PCYT1A: variants seen among roughly 807,000 people sequenced by gnomAD.
PCYT1A encodes phosphate cytidylyltransferase 1A, choline.
Under a neutral mutation model 43.7 loss-of-function variants are expected in PCYT1A, and 25 were observed. The observed-to-expected ratio is 0.57, with a 90% confidence interval of 0.42 to 0.80. The LOEUF is 0.80. PCYT1A is among the 30% of genes least tolerant of loss of function. The probability of loss-of-function intolerance (pLI) is 0.00; values close to 1 mark genes in which losing one functional copy is unlikely to be tolerated. For missense variants in PCYT1A, 421 were observed against 474.2 expected (o/e 0.89, Z 1.04); for synonymous variants, 172 against 170.7 (o/e 1.01, Z -0.06).
chr3:196,257,883 A>G lies in PCYT1A; in HGVS notation c.122T>C (p.Leu41Ser). The G allele has an allele frequency of 1.2e-6, 2 of 1,608,228 alleles. No individual in the cohort carries two copies. The highest frequency in any genetic ancestry group is 1.7e-6 in the Non-Finnish European group (2 of 1,174,840). Residue 41 changes from leucine to serine, a missense_variant, in exon 3 of 9, where the codon TTA becomes TCA. By Grantham distance (145) the Leu-to-Ser change is moderately radical (BLOSUM62 -2). This residue lies in a region of PCYT1A where 139 missense variants were observed against 117.7 expected (regional missense o/e 1.18). Transcript: ENST00000431016. ...PSKVQRCAVGLRQPAPFSDEI... is the reference protein window; with the variant it reads ...PSKVQRCAVGSRQPAPFSDEI... Reference sequence around the variant, plus strand: ...ATCAGAAAAAGGAGCTGGTTGCCGTAAGCCCTTAAGAAATGGAAAGTGAAG... The same window carrying G: ...ATCAGAAAAAGGAGCTGGTTGCCGTGAGCCCTTAAGAAATGGAAAGTGAAG...
chr3:196,273,287 T>TCTCTC lies in PCYT1A; in HGVS notation c.-10-2751_-10-2747dup, dbSNP rs1725491106. ...CAAAGGGCTACAGCTCTTCTCTTTC[T>TCTCTC]CTCTCCTCTCTTCTCTCTTTCTGTT... On this transcript the variant is annotated intron_variant, in intron 1 of 8. Coordinates refer to ENST00000431016, the MANE Select transcript of PCYT1A (RefSeq NM_001312673.2). The surrounding 1 kb of genome is among the most constrained non-coding windows in gnomAD (Gnocchi z 4.1). 6.6e-6 allele frequency among the ~76,000 whole-genome samples: 1 copy of TCTCTC among 152,168 alleles called. No individual in the cohort carries two copies. The highest frequency in any genetic ancestry group is 2.4e-5 in the African/African-American group (1 of 41,448).
chr3:196,257,695 G>A (rs1323455131), intron 3 of PCYT1A, 93 bp downstream of exon 3: 1 of 766,970 alleles, frequency 1.3e-6, no homozygotes, highest in South Asian at 1.6e-5. Flanking sequence ...AGTAAACAGA[G>A]GGCAGTATAT....
intron 7 of PCYT1A, chr3:196,241,573 G>A (rs1272121645): frequency 3.8e-6 from 5 of 1,300,518 alleles, no homozygotes; most frequent in African/African-American, 3.0e-5. Flanking sequence ...GGGAAGTGGT[G>A]TGTCGGGTGT....
At position 196,237,189 on chromosome 3, in the gene PCYT1A, TGG is replaced by T. The variant is rs1724191221; in HGVS notation, c.*1497_*1498del. On this transcript the variant is annotated 3_prime_UTR_variant, in exon 9 of 9. Transcript: ENST00000431016. ...AAGGGGTATTTATGAGTGACAGGGG[TGG>T]GGCCTGGACATAAGCAATTTTCCCC... 1.3e-5 allele frequency: 2 copies of T among 152,108 alleles called. No individual in the cohort carries two copies. The highest frequency in any genetic ancestry group is 4.8e-5 in the African/African-American group (2 of 41,388). 9.4% of individuals were successfully genotyped at this position (152,108 alleles called of 1,614,324 possible).
At chr3:196,285,692 G>A (rs1725890583) in intron 1 of PCYT1A, among the ~76,000 whole-genome samples, 1 of 152,162 alleles carries the variant, frequency 6.6e-6, no homozygotes, top group South Asian at 2.1e-4. Context: ...GTACATTGAA[G>A]TCTCTCCCAT....
In PCYT1A at chr3:196,266,946, G is replaced by A. The variant is rs577697799; in HGVS notation, c.117+3469C>T. Among the ~76,000 whole-genome samples the A allele has an allele frequency of 8.6e-5, 13 of 151,970 alleles. No individual in the cohort carries two copies. In the South Asian group the frequency reaches 1.2e-3, roughly 15 times the overall value. On this transcript the variant is annotated intron_variant, in intron 2 of 8. Transcript: ENST00000431016. ...AGTACTTTGGGAGGCCGAGGCGGGC[G>A]GATTACCTGAGGTCAGGAGATCGAG...
intron 5 of PCYT1A, among the ~76,000 whole-genome samples, chr3:196,245,826 C>T (rs890666235): frequency 2.0e-5 from 3 of 152,044 alleles, no homozygotes; most frequent in Non-Finnish European, 4.4e-5. Flanking sequence ...TGGCGCGCAC[C>T]TGTAATCCCA....
chr3:196,239,792 T>A, intron 7 of PCYT1A, 57 bp from the exon 8 acceptor site: 2 of 1,190,524 alleles, frequency 1.7e-6, no homozygotes, highest in Admixed American at 1.9e-5. Flanking sequence ...TTCTCTACCA[T>A]AAGAGAACGA....
rs1724115969 is a variant in PCYT1A at position 196,234,703 on chromosome 3, T to C, written c.*3985A>G. 6.6e-6 allele frequency: 1 copy of C among 152,214 alleles called. No homozygotes were observed. Among genetic ancestry groups the C allele is most frequent in the Non-Finnish European group, 1.5e-5 (1 of 68,046 alleles). The allele number at this position is 152,214 out of a possible 1,614,324, so 9.4% of individuals were successfully genotyped here. On this transcript the variant is annotated 3_prime_UTR_variant, in exon 9 of 9. Transcript: ENST00000431016. The stretch of plus-strand genomic sequence containing the variant: ...CCCAGTGTTAAACCTGGTGCTTCCG[T>C]TTTCTGCCTCAATCCGAGCGCTAAC...
In PCYT1A at chr3:196,247,074, G is replaced by T. The variant is rs957324080; in HGVS notation, c.486+293C>A. Among the ~76,000 whole-genome samples the T allele has an allele frequency of 6.6e-6, 1 of 152,178 alleles. No individual in the cohort carries two copies. The highest frequency in any genetic ancestry group is 1.5e-5 in the Non-Finnish European group (1 of 68,038). On this transcript the variant is annotated intron_variant, in intron 5 of 8. Coordinates refer to ENST00000431016, the MANE Select transcript of PCYT1A (RefSeq NM_001312673.2). This position sits in a 1 kb window ranked among gnomAD's most constrained non-coding sequence, Gnocchi z 4.8. ...GGTGTAACTTGGAGCAGGTTATTTGGTTTCTCTAGCCCTTGTTACTCATAT... is the reference window on the plus strand; with the variant it reads ...GGTGTAACTTGGAGCAGGTTATTTGTTTTCTCTAGCCCTTGTTACTCATAT...
chr3:196,275,330 A>G (rs981742810), intron 1 of PCYT1A, among the ~76,000 whole-genome samples: 2 of 152,236 alleles, frequency 1.3e-5, no homozygotes, highest in African/African-American at 2.4e-5. Flanking sequence ...TATTTGTGGA[A>G]TCTAAAAGAG....
At chr3:196,286,628 G>A (rs1725921116) in intron 1 of PCYT1A, among the ~76,000 whole-genome samples, 3 of 152,114 alleles carry the variant, frequency 2.0e-5, no homozygotes, top group African/African-American at 4.8e-5. Context: ...AAAAGTACAG[G>A]TTCAGGCCAG....
chr3:196,238,442 C>CT lies in PCYT1A; in HGVS notation c.*245dup, dbSNP rs1445938542. 1.6e-4 allele frequency: 56 copies of CT among 342,794 alleles called. No homozygotes were observed. Among genetic ancestry groups the CT allele is most frequent in the African/African-American group, 1.1e-3 (51 of 45,538 alleles). The allele number at this position is 342,794 out of a possible 1,614,324, so 21.2% of individuals were successfully genotyped here. ...TGAACATAAACAGTGAAACAAAGCC[C>CT]TTGGGGGGGGGTAAATGGATGCAGA... is the stretch of plus-strand genomic sequence containing the variant. On this transcript the variant is annotated 3_prime_UTR_variant, in exon 9 of 9. Transcript: ENST00000431016.
At chr3:196,265,801 G>A (rs1268615828) in intron 2 of PCYT1A, among the ~76,000 whole-genome samples, 2 of 132,034 alleles carry the variant, frequency 1.5e-5, no homozygotes, top group African/African-American at 5.5e-5. Flanking sequence ...GCAGTGGCGC[G>A]ATCTCAGCTC....
chr3:196,267,381 G>C lies in PCYT1A; in HGVS notation c.117+3034C>G, dbSNP rs963589955. The C allele has an allele frequency of 6.6e-6, 3 of 454,758 alleles. No homozygotes were observed. In the East Asian group the frequency reaches 2.1e-4, roughly 32 times the overall value. The allele number at this position is 454,758 out of a possible 1,614,324, so 28.2% of individuals were successfully genotyped here. A position where few individuals can be genotyped will look rare whatever the true frequency, so the allele number is the denominator to read the frequency against. On this transcript the variant is annotated intron_variant, in intron 2 of 8. Coordinates refer to ENST00000431016, the MANE Select transcript of PCYT1A (RefSeq NM_001312673.2). ...GCTGGAGAGACTGGGGGGAAATGGG[G>C]AGTGACTGCTAATGAGTACAGGCCT...
At chr3:196,246,406 T>C (rs1446800918) in intron 5 of PCYT1A, among the ~76,000 whole-genome samples, 3 of 152,084 alleles carry the variant, frequency 2.0e-5, no homozygotes, top group East Asian at 1.9e-4. Context: ...TGTGGCTTTT[T>C]TTTTTTTAAA....
chr3:196,248,181 C>T (rs1455141658), intron 4 of PCYT1A, 26 bp downstream of exon 4: 3 of 1,250,324 alleles, frequency 2.4e-6, no homozygotes, highest in Admixed American at 1.7e-5. Context: ...CTGCACAGCA[C>T]CTGAAGTCAC....
Position 196,247,217 on chromosome 3 carries a change from T to C in PCYT1A, c.486+150A>G. Reference sequence around the variant, plus strand: ...ATATAAACGTCAGGGGTGACTGTTATCACTAGTAATATCACTGTCATCTCC... The same window carrying C: ...ATATAAACGTCAGGGGTGACTGTTACCACTAGTAATATCACTGTCATCTCC... On this transcript the variant is annotated intron_variant, in intron 5 of 8. Coordinates refer to ENST00000431016, the MANE Select transcript of PCYT1A (RefSeq NM_001312673.2). This position sits in a 1 kb window ranked among gnomAD's most constrained non-coding sequence, Gnocchi z 4.8. 1.3e-6 allele frequency: 1 copy of C among 783,422 alleles called. No individual in the cohort carries two copies. Among genetic ancestry groups the C allele is most frequent in the Non-Finnish European group, 2.1e-6 (1 of 465,206 alleles). The allele number at this position is 783,422 out of a possible 1,614,324, so 48.5% of individuals were successfully genotyped here. A position where few individuals can be genotyped will look rare whatever the true frequency, so the allele number is the denominator to read the frequency against.
chr3:196,270,139 AGGTATGAGTCACC>A (rs1187969047), intron 2 of PCYT1A, among the ~76,000 whole-genome samples: 1 of 152,204 alleles, frequency 6.6e-6, no homozygotes, highest in Non-Finnish European at 1.5e-5. Flanking sequence ...GTGGGATTAC[AGGTATGAGTCACC>A]GCACCTGGCC....
Sources: allele counts gnomAD v4.1 joint callset (sites outside exome capture counted in the v4.1 genomes callset), GRCh38; gene constraint gnomAD v4.1.1; regional missense constraint gnomAD v4.1.1; non-coding constraint Gnocchi (gnomAD v3.1); transcripts MANE v1.5; gene names NCBI Gene and HGNC (gene_info 2026-07-23, HGNC 2026-07-21).